Variants in HERC3 observed in about 807,000 individuals in gnomAD.
The protein encoded by HERC3 is probable E3 ubiquitin-protein ligase HERC3.
In HERC3, 58 loss-of-function variants were observed where a neutral mutation model predicts 129.9. The ratio of observed to expected loss-of-function variants is 0.45; its 90% CI spans 0.36 to 0.56. HERC3 has a LOEUF of 0.56. HERC3 is among the 20% of genes least tolerant of loss of function. The probability of loss-of-function intolerance (pLI) is 0.00; values close to 1 mark genes in which losing one functional copy is unlikely to be tolerated. For missense variants in HERC3, 835 were observed against 1,244.2 expected, an observed-to-expected ratio of 0.67 and a Z score of 4.95; for synonymous variants, 430 against 451.0, an observed-to-expected ratio of 0.95 and a Z score of 0.59.
chr4:88,671,451 T>G (rs1731602897), intron 16 of HERC3, among the ~76,000 whole-genome samples: 1 of 152,220 alleles, frequency 6.6e-6, no homozygotes, highest in Non-Finnish European at 1.5e-5. Context: ...ATGTTGTATT[T>G]TTTTCTCTAG....
At chr4:88,675,807 T>A (rs1732103407) in intron 16 of HERC3, among the ~76,000 whole-genome samples, 2 of 151,140 alleles carry the variant, frequency 1.3e-5, no homozygotes, top group Non-Finnish European at 3.0e-5. Flanking sequence ...TGTGTGTATG[T>A]GTGTGTGTGT....
At position 88,677,870 on chromosome 4, in the gene HERC3, C is replaced by G; in HGVS notation, c.2026-94C>G. On this transcript the variant is annotated intron_variant, in intron 18 of 25. Coordinates refer to ENST00000402738, the MANE Select transcript of HERC3 (RefSeq NM_014606.3). ...GAAAAAAATTAACAAAATGGAGATG[C>G]AGTCAGCGCCCCCAAGTCCAGAAGC... 3 of 1,056,408 alleles carry G rather than the reference C, an allele frequency of 2.8e-6. No homozygotes were observed. In the South Asian group the frequency reaches 4.3e-5, roughly 15 times the overall value. The allele number at this position is 1,056,408 out of a possible 1,614,324, so 65.4% of individuals were successfully genotyped here.
chr4:88,530,290 C>T, the HERC3 span, among the ~76,000 whole-genome samples: 3 of 143,286 alleles, frequency 2.1e-5, no homozygotes, highest in African/African-American at 7.8e-5. Flanking sequence ...ATTCCGTCTC[C>T]AAAAGAAAAA....
intron 3 of HERC3, among the ~76,000 whole-genome samples, chr4:88,619,950 G>C (rs537357345): frequency 6.6e-6 from 1 of 152,326 alleles, no homozygotes; most frequent in South Asian, 2.1e-4. Context: ...AGGAAAATGG[G>C]TTGTGCTGAT....
chr4:88,533,269 A>G, the HERC3 span, among the ~76,000 whole-genome samples: 3 of 152,192 alleles, frequency 2.0e-5, no homozygotes, highest in African/African-American at 7.2e-5. Context: ...CCACGCTGGC[A>G]GGTGATTGGA....
chr4:88,625,066 G>A (rs1725945440), intron 3 of HERC3, among the ~76,000 whole-genome samples: 1 of 152,114 alleles, frequency 6.6e-6, no homozygotes, highest in Admixed American at 6.6e-5. Context: ...TCTTTCCTTA[G>A]TATTACACTG....
upstream of HERC3, among the ~76,000 whole-genome samples, chr4:88,591,955 C>T (rs1225190314): frequency 6.6e-6 from 1 of 152,066 alleles, no homozygotes. Context: ...CGCGTACCTC[C>T]TTCCCCGCCT....
Position 88,707,110 on chromosome 4 carries a change from T to C in HERC3, c.*150T>C. 1.5e-6 allele frequency: 1 copy of C among 681,038 alleles called. No individual in the cohort carries two copies. Among genetic ancestry groups the C allele is most frequent in the Non-Finnish European group, 2.5e-6 (1 of 398,982 alleles). 42.2% of individuals were successfully genotyped at this position (681,038 alleles called of 1,614,324 possible). ...GAGCCTGGTTGATGTGTTTCTGGGA[T>C]TGTATAGCAGTAAACAACCTTTTTG... On this transcript the variant is annotated 3_prime_UTR_variant, in exon 26 of 26. Coordinates refer to ENST00000402738, the MANE Select transcript of HERC3 (RefSeq NM_014606.3).
At chr4:88,652,148 C>CTT (rs1376601475) in intron 5 of HERC3, 60 bp downstream of exon 5, 4 of 1,280,036 alleles carry the variant, frequency 3.1e-6, no homozygotes, top group Non-Finnish European at 4.6e-6. Flanking sequence ...TTCTCTTTGT[C>CTT]TTTTTGTGTG....
chr4:88,662,379 A>C, intron 10 of HERC3, 52 bp from the exon 11 acceptor site: 4 of 1,538,246 alleles, frequency 2.6e-6, no homozygotes, highest in Non-Finnish European at 3.5e-6. Flanking sequence ...GAGAGGAGAC[A>C]AGATCCATGC....
At chr4:88,688,782 G>A (rs1733749495) in intron 23 of HERC3, among the ~76,000 whole-genome samples, 1 of 152,158 alleles carries the variant, frequency 6.6e-6, no homozygotes, top group South Asian at 2.1e-4. Flanking sequence ...CTTACAGCAA[G>A]AATCAACAAG....
At chr4:88,530,717 G>A in the HERC3 span, among the ~76,000 whole-genome samples, 3 of 152,132 alleles carry the variant, frequency 2.0e-5, no homozygotes, top group East Asian at 5.8e-4. Flanking sequence ...TTGTAGGGCT[G>A]CATATTAATA....
chr4:88,607,496 C>G (rs944886541), intron 3 of HERC3, among the ~76,000 whole-genome samples: 3 of 152,004 alleles, frequency 2.0e-5, no homozygotes, highest in African/African-American at 7.3e-5. Flanking sequence ...CAGGATCTGG[C>G]TCTGTCGCCC....
chr4:88,549,950 G>C, the HERC3 span, among the ~76,000 whole-genome samples: 4 of 152,178 alleles, frequency 2.6e-5, no homozygotes, highest in Non-Finnish European at 5.9e-5. Context: ...GCGAACAGGA[G>C]GAAGAGTCAG....
At chr4:88,682,566 T>C (rs1438064376) in intron 21 of HERC3, among the ~76,000 whole-genome samples, 1 of 146,292 alleles carries the variant, frequency 6.8e-6, no homozygotes, top group African/African-American at 2.5e-5. Context: ...AGTGAGAACA[T>C]GCAGTGTTTG....
chr4:88,638,014 A>G (rs2149252030), intron 3 of HERC3, among the ~76,000 whole-genome samples: 1 of 152,366 alleles, frequency 6.6e-6, no homozygotes, highest in South Asian at 2.1e-4. Context: ...ACCTGGACAC[A>G]TACACCCTCC....
intron 3 of HERC3, among the ~76,000 whole-genome samples, chr4:88,639,397 T>C (rs1727820960): frequency 6.6e-6 from 1 of 151,908 alleles, no homozygotes; most frequent in African/African-American, 2.4e-5. Flanking sequence ...AACAGACTTA[T>C]AGACAATGGA....
At chr4:88,527,530 G>A in the HERC3 span, 1 of 180,314 alleles carries the variant, frequency 5.5e-6, no homozygotes, top group South Asian at 1.2e-4. Flanking sequence ...CAAAGTCCTG[G>A]GATTACAGGC....
chr4:88,592,783 A>T lies in HERC3; in HGVS notation c.-88+209A>T, dbSNP rs570341552. On this transcript the variant is annotated intron_variant, in intron 1 of 25. Transcript: ENST00000402738. ...GGGGAGGTTGGGGCGCGGCGCCCTT[A>T]GTACCCTGCGTACGCCTCCCTGGCG... Among the ~76,000 whole-genome samples the T allele has an allele frequency of 1.8e-4, 27 of 151,608 alleles. No homozygotes were observed. In the East Asian group the frequency reaches 5.4e-3, roughly 30 times the overall value.
Sources: allele counts gnomAD v4.1 joint callset (sites outside exome capture counted in the v4.1 genomes callset), GRCh38; gene constraint gnomAD v4.1.1; transcripts MANE v1.5; gene names NCBI Gene and HGNC (gene_info 2026-07-23, HGNC 2026-07-21).